Variants in SLC29A2 observed in about 807,000 individuals in gnomAD.
SLC29A2 encodes the protein equilibrative nucleoside transporter 2.
In SLC29A2, 37 loss-of-function variants were observed where a neutral mutation model predicts 48.8. That is an observed-to-expected ratio of 0.76 (90% CI 0.58 to 1.00). The LOEUF (loss-of-function observed/expected upper bound fraction) is 1.00, where lower values mean the gene tolerates loss of function less well. SLC29A2 is among the 50% of genes least tolerant of loss of function. The pLI, the probability that SLC29A2 is intolerant of heterozygous loss-of-function variation, is 0.00. For synonymous variants in SLC29A2, 233 were observed against 261.7 expected (o/e 0.89, Z 1.06); for missense variants, 533 against 578.6 (o/e 0.92, Z 0.81).
In SLC29A2 at chr11:66,366,146, G is replaced by A. The variant is rs1160642505; in HGVS notation, c.953C>T (p.Ser318Phe). ...CTCACTCCACTTCCCAGGACTGGTG[G>A]AGCTGGTCACCATGGCTGTGATGGC... The part of the protein sequence containing the change: ...FPAITAMVTS[S>F]TSPGKWSQFF... Residue 318 changes from serine (S) to phenylalanine (F), a missense_variant, in exon 9 of 12, where the codon TCC (serine) becomes TTC (phenylalanine). Coordinates refer to ENST00000357440, the MANE Select transcript of SLC29A2 (RefSeq NM_001532.3). The A allele has an allele frequency of 1.9e-6, 3 of 1,614,030 alleles. No homozygotes were observed. The East Asian group carries it at 6.7e-5, about 36-fold the overall frequency.
intron 11 of SLC29A2, 50 bp from the exon 12 acceptor site, chr11:66,363,597 G>A (rs1855494715): frequency 8.0e-6 from 11 of 1,379,398 alleles, no homozygotes; most frequent in Non-Finnish European, 1.0e-5. Context: ...GTCTAAATCT[G>A]GACCCAGCTC....
chr11:66,366,432 T>C lies in SLC29A2; in HGVS notation c.866A>G (p.Lys289Arg). The C allele has an allele frequency of 6.2e-7, 1 of 1,614,156 alleles. No individual in the cohort carries two copies. The highest frequency in any genetic ancestry group is 2.2e-5 in the East Asian group (1 of 44,884). ...GKPSVFTVFQKIWLTALCLVL... is the reference protein window; with the variant it reads ...GKPSVFTVFQRIWLTALCLVL... ...TTGGGGGCTGTATCCAAGCCAAACC[T>C]TCTGGAAGACAGTGAAGACTGAAGG... Residue 289 changes from lysine (K) to arginine (R), a missense_variant and splice_region_variant, in exon 8 of 12, where the codon AAG (lysine) becomes AGG (arginine). Coordinates refer to ENST00000357440, the MANE Select transcript of SLC29A2 (RefSeq NM_001532.3).
rs990581409 is a variant in SLC29A2 at position 66,369,387 on chromosome 11, T to C, written c.257A>G (p.Asn86Ser). The C allele has an allele frequency of 3.1e-6, 5 of 1,613,566 alleles. No individual in the cohort carries two copies. The highest frequency in any genetic ancestry group is 3.4e-6 in the Non-Finnish European group (4 of 1,179,820). Reference sequence around the variant, plus strand: ...CTCTCACCACTGGTACAGGAAGGAGTTGAGGAGGGTGAAGAGCAGCAGGGG... The same window carrying C: ...CTCTCACCACTGGTACAGGAAGGAGCTGAGGAGGGTGAAGAGCAGCAGGGG... ...QLPLLLFTLL[N>S]SFLYQCVPET... is the part of the protein sequence containing the mutation. Residue 86 changes from asparagine (N) to serine (S), a missense_variant, in exon 3 of 12, where the codon AAC becomes AGC. Coordinates refer to ENST00000357440, the MANE Select transcript of SLC29A2 (RefSeq NM_001532.3).
intron 11 of SLC29A2, 76 bp downstream of exon 11, chr11:66,364,149 T>C (rs1855528767): frequency 2.4e-6 from 3 of 1,235,292 alleles, no homozygotes; most frequent in Non-Finnish European, 3.5e-6. Flanking sequence ...CGTCCCTCCA[T>C]TGCAGGCGGT....
At chr11:66,366,709 GA>G in intron 7 of SLC29A2, 145 bp from the exon 8 acceptor site, 1 of 877,050 alleles carries the variant, frequency 1.1e-6, no homozygotes, top group Non-Finnish European at 1.7e-6. Flanking sequence ...CAACATTTTG[GA>G]AGGCCGAGGC....
chr11:66,370,122 T>C (rs1855945496), intron 2 of SLC29A2, among the ~76,000 whole-genome samples: 2 of 152,192 alleles, frequency 1.3e-5, no homozygotes, highest in African/African-American at 4.8e-5. Context: ...AGGCTGATCG[T>C]CTCTTGCCTG....
intron 2 of SLC29A2, among the ~76,000 whole-genome samples, chr11:66,370,858 CA>C (rs35962792): frequency 0.47 from 43,399 of 91,368 alleles, 7,366 homozygotes; most frequent in South Asian, 0.66. Context: ...GACTCTGTCT[CA>C]AAAAAAAAAA....
chr11:66,366,627 C>A, intron 7 of SLC29A2, 63 bp from the exon 8 acceptor site: 1 of 1,574,134 alleles, frequency 6.4e-7, no homozygotes, highest in Non-Finnish European at 8.7e-7. Flanking sequence ...CAGCCAGGCC[C>A]AACGAAGGGA....
chr11:66,369,964 C>G (rs1329632118), intron 2 of SLC29A2, among the ~76,000 whole-genome samples: 1 of 152,236 alleles, frequency 6.6e-6, no homozygotes, highest in Non-Finnish European at 1.5e-5. Context: ...CTCCTCAACA[C>G]CCCGATTCAT....
rs753700444 is a variant in SLC29A2, at chr11:66,367,821, CAG to C, written c.597_598del (p.Val201GlyfsTer25). ...CACGATGGACATGAGGATGCCCACA[CAG>C]GGCGTGATAAAGTACCCCAGGGCAG... is the stretch of plus-strand genomic sequence containing the variant. On this transcript the variant is annotated frameshift_variant, in exon 6 of 12. Transcript: ENST00000357440. LOFTEE classifies it high-confidence loss of function. 7 of 1,614,200 alleles carry C rather than the reference CAG, an allele frequency of 4.3e-6. No homozygotes were observed. Among genetic ancestry groups the C allele is most frequent in the Non-Finnish European group, 4.2e-6 (5 of 1,180,010 alleles).
At chr11:66,365,784 G>T (rs1465795814) in intron 10 of SLC29A2, 152 bp downstream of exon 10, 3 of 755,010 alleles carry the variant, frequency 4.0e-6, no homozygotes, top group African/African-American at 1.7e-5. Flanking sequence ...TGGCCTGCAC[G>T]CCTCCAGGGC....
Position 66,363,209 on chromosome 11 carries a change from C to T in SLC29A2, c.*227G>A, listed in dbSNP as rs1855472862. ...ATCACCCTTTCCATGAGGTCTTGTG[C>T]GAGTCACCCCCATTCCTGGGTGAGG... is the stretch of plus-strand genomic sequence containing the variant. On this transcript the variant is annotated 3_prime_UTR_variant, in exon 12 of 12. Coordinates refer to ENST00000357440, the MANE Select transcript of SLC29A2 (RefSeq NM_001532.3). 1.1e-4 allele frequency: 65 copies of T among 568,426 alleles called. No homozygotes were observed. The South Asian group carries it at 1.2e-3, about 10-fold the overall frequency. 35.2% of individuals were successfully genotyped at this position (568,426 alleles called of 1,614,324 possible).
Position 66,368,571 on chromosome 11 carries a change from G to C in SLC29A2, c.516C>G (p.Ile172Met). The change falls in exon 5 of 12, where the codon ATC (isoleucine) becomes ATG (methionine). Residue 172 changes from isoleucine (I) to methionine (M), a missense_variant. Coordinates refer to ENST00000357440, the MANE Select transcript of SLC29A2 (RefSeq NM_001532.3). ...ACAGGAGCATGGCAAGGGCAGCAAA[G>C]ATCCCAGCCAGGCCCTGGCCGCTGA... ...LFLSGQGLAG[I>M]FAALAMLLSM... The C allele has an allele frequency of 6.2e-7, 1 of 1,613,252 alleles. No individual in the cohort carries two copies. The highest frequency in any genetic ancestry group is 1.1e-5 in the South Asian group (1 of 90,900).
At chr11:66,369,566 C>T in intron 2 of SLC29A2, 34 bp from the exon 3 acceptor site, 1 of 1,612,452 alleles carries the variant, frequency 6.2e-7, no homozygotes, top group African/African-American at 1.3e-5. Context: ...GGGTCAGCAC[C>T]TCTCAGCCTT....
At chr11:66,371,354 G>A in intron 1 of SLC29A2, 29 bp from the exon 2 acceptor site, 5 of 1,607,938 alleles carry the variant, frequency 3.1e-6, no homozygotes, top group East Asian at 2.2e-5. Context: ...AGGTCACCCC[G>A]AGGACGCACC....
chr11:66,371,770 A>C (rs1177686764), upstream of SLC29A2: 6 of 621,024 alleles, frequency 9.7e-6, no homozygotes, highest in Non-Finnish European at 1.7e-5. Flanking sequence ...CGCGCTCCGC[A>C]GGCTGGGACC....
intron 2 of SLC29A2, 131 bp downstream of exon 2, chr11:66,371,113 T>C (rs898290635): frequency 1.3e-6 from 1 of 779,132 alleles, no homozygotes; most frequent in Non-Finnish European, 2.2e-6. Flanking sequence ...TCTCCGAGCT[T>C]CAGCCCATAA....
Position 66,371,285 on chromosome 11 carries a change from C to G in SLC29A2, c.70G>C (p.Gly24Arg), listed in dbSNP as rs1237669078. ...AAGAAGTTCCAGGGAAGGAGGGTGC[C>G]CAGCCCCAGGATGAAGAAGCTGATC... ...VGISFFILGLGTLLPWNFFIT... is the reference protein window; with the variant it reads ...VGISFFILGLRTLLPWNFFIT... Residue 24 changes from glycine (G) to arginine (R), a missense_variant, in exon 2 of 12, where the codon GGC becomes CGC. Physicochemically the swap from Gly to Arg is moderately radical, Grantham distance 125. Transcript: ENST00000357440. 1 of 1,613,852 alleles carries G rather than the reference C, an allele frequency of 6.2e-7. No individual in the cohort carries two copies. The highest frequency in any genetic ancestry group is 1.7e-5 in the Admixed American group (1 of 60,012).
At position 66,364,045 on chromosome 11, in the gene SLC29A2, A is replaced by C. The variant is rs909192828; in HGVS notation, c.1259+180T>G. On this transcript the variant is annotated intron_variant, in intron 11 of 11. Coordinates refer to ENST00000357440, the MANE Select transcript of SLC29A2 (RefSeq NM_001532.3). ...GGTTGGGCGGGTACCTCCCTAGCCC[A>C]GTTCTCTCCCCTGCAGTTAAGGCTT... Among the ~76,000 whole-genome samples the C allele has an allele frequency of 1.4e-4, 21 of 152,082 alleles. 1 individual carries two copies. Among genetic ancestry groups the C allele is most frequent in the Admixed American group, 9.2e-4 (14 of 15,268 alleles).
Sources: allele counts gnomAD v4.1 joint callset (sites outside exome capture counted in the v4.1 genomes callset), GRCh38; gene constraint gnomAD v4.1.1; transcripts MANE v1.5; gene names NCBI Gene and HGNC (gene_info 2026-07-23, HGNC 2026-07-21).